Variants in FILIP1L observed in about 807,000 individuals in gnomAD.
The protein encoded by FILIP1L is filamin A interacting protein 1 like.
In FILIP1L, 55 loss-of-function variants were observed where a neutral mutation model predicts 96.6. The ratio of observed to expected loss-of-function variants is 0.57; its 90% CI spans 0.46 to 0.71. FILIP1L has a LOEUF of 0.71. Among genes scored for constraint, FILIP1L ranks in the 30% least tolerant of loss-of-function variants. The pLI, the probability that FILIP1L is intolerant of heterozygous loss-of-function variation, is 0.00. For missense variants in FILIP1L, 1,304 were observed against 1,321.2 expected (o/e 0.99, Z 0.20); for synonymous variants, 467 against 473.9 (o/e 0.99, Z 0.19).
At chr3:99,874,855 T>C (rs1167066697) in intron 4 of FILIP1L, among the ~76,000 whole-genome samples, 2 of 152,230 alleles carry the variant, frequency 1.3e-5, no homozygotes. Context: ...TCAGTGGTTA[T>C]AGTGCTCTGC....
At chr3:100,017,691 C>T (rs1194695851) in intron 1 of FILIP1L, among the ~76,000 whole-genome samples, 1 of 150,836 alleles carries the variant, frequency 6.6e-6, no homozygotes, top group Non-Finnish European at 1.5e-5. Flanking sequence ...TTGGGAGGCC[C>T]AGCGGGGAGG....
chr3:99,828,950 C>T lies in FILIP1L; in HGVS notation c.*1464G>A, dbSNP rs1329040776. Among the ~76,000 whole-genome samples the T allele has an allele frequency of 6.6e-6, 1 of 151,984 alleles. No individual in the cohort carries two copies. Among genetic ancestry groups the T allele is most frequent in the Non-Finnish European group, 1.5e-5 (1 of 67,986 alleles). ...TCTCAATGCTGCCCATCATCCCTCT[C>T]AATGCTGCCCATCATCCCTTTCAAT... On this transcript the variant is annotated 3_prime_UTR_variant, in exon 6 of 6. Transcript: ENST00000477258.
rs573363257 is a variant in FILIP1L at position 99,982,664 on chromosome 3, A to G, written c.-10-51634T>C. Among the ~76,000 whole-genome samples the G allele has an allele frequency of 7.9e-5, 12 of 152,228 alleles. No individual in the cohort carries two copies. The East Asian group carries it at 1.9e-3, about 24-fold the overall frequency. On this transcript the variant is annotated intron_variant, in intron 1 of 5. Transcript: ENST00000477258. ...TGGCCCATTCAGCTAACTTTTTTAA[A>G]GTATTTTTGAATCACTGAAGTGCTT...
In FILIP1L at chr3:100,010,848, C is replaced by T. The variant is rs988638123; in HGVS notation, c.-10-79818G>A. On this transcript the variant is annotated intron_variant, in intron 1 of 5. Transcript: ENST00000477258. ...TTCAGCATGTTGGTCAGGCTGGTCT[C>T]GAACTCCTGACCTCATGATCCGCCT... Among the ~76,000 whole-genome samples the T allele has an allele frequency of 4.3e-5, 6 of 137,964 alleles. No individual in the cohort carries two copies. In the Middle Eastern group the frequency reaches 0.019, roughly 430 times the overall value. The allele number at this position is 137,964 out of a possible 152,430, so 90.5% of individuals were successfully genotyped here.
At chr3:100,025,645 T>C (rs772298837) in intron 1 of FILIP1L, 4 of 152,190 alleles carry the variant, frequency 2.6e-5, no homozygotes, top group Non-Finnish European at 4.4e-5. Context: ...TGGGTTCATG[T>C]TATTTCTGTT....
intron 1 of FILIP1L, among the ~76,000 whole-genome samples, chr3:99,983,546 CA>C (rs932297753): frequency 2.9e-5 from 4 of 136,278 alleles, no homozygotes; most frequent in African/African-American, 1.1e-4. Flanking sequence ...AAAAATTAGC[CA>C]GGTGTGGTGG....
At chr3:100,062,697 A>C (rs1355266744) in intron 1 of FILIP1L, among the ~76,000 whole-genome samples, 1 of 152,240 alleles carries the variant, frequency 6.6e-6, no homozygotes, top group Non-Finnish European at 1.5e-5. Flanking sequence ...GAAATTTAAA[A>C]GCCCCTATAT....
At chr3:100,046,119 T>G (rs936058696) in intron 1 of FILIP1L, among the ~76,000 whole-genome samples, 1 of 152,216 alleles carries the variant, frequency 6.6e-6, no homozygotes, top group African/African-American at 2.4e-5. Context: ...CCCCCAAGGC[T>G]TCACAGCTAA....
chr3:100,012,022 A>T (rs1710171157), intron 1 of FILIP1L, among the ~76,000 whole-genome samples: 3 of 152,198 alleles, frequency 2.0e-5, no homozygotes, highest in African/African-American at 7.2e-5. Flanking sequence ...ATTTACCTGA[A>T]TTGGATTTCT....
intron 1 of FILIP1L, among the ~76,000 whole-genome samples, chr3:100,079,135 T>C (rs1330046536): frequency 6.6e-6 from 1 of 152,182 alleles, no homozygotes; most frequent in African/African-American, 2.4e-5. Flanking sequence ...TCCCCAGTCC[T>C]CTCAGCGTTA....
intron 1 of FILIP1L, among the ~76,000 whole-genome samples, chr3:100,064,086 G>T (rs1003006219): frequency 6.6e-6 from 1 of 152,106 alleles, no homozygotes; most frequent in African/African-American, 2.4e-5. Context: ...TTGTTTTGTT[G>T]CTTCTGGTTT....
chr3:99,881,162 T>A (rs1282421315), intron 4 of FILIP1L, among the ~76,000 whole-genome samples: 1 of 152,184 alleles, frequency 6.6e-6, no homozygotes, highest in Non-Finnish European at 1.5e-5. Context: ...AAGTTGGCTA[T>A]GGACTCTAGT....
At chr3:99,839,393 A>T (rs1943033575) in intron 5 of FILIP1L, among the ~76,000 whole-genome samples, 3 of 152,228 alleles carry the variant, frequency 2.0e-5, no homozygotes, top group Admixed American at 1.3e-4. Flanking sequence ...TGAGGAATGA[A>T]GGAAGCCTGT....
intron 1 of FILIP1L, among the ~76,000 whole-genome samples, chr3:100,083,114 G>A (rs761129132): frequency 6.6e-6 from 1 of 152,132 alleles, no homozygotes; most frequent in Non-Finnish European, 1.5e-5. Flanking sequence ...TTATTGTTTA[G>A]GGTCAGACAT....
At chr3:99,964,596 A>G (rs1197807534) in intron 1 of FILIP1L, among the ~76,000 whole-genome samples, 2 of 151,990 alleles carry the variant, frequency 1.3e-5, no homozygotes, top group Non-Finnish European at 2.9e-5. Flanking sequence ...AGGTTCTTGT[A>G]GTGATCTTCT....
At chr3:99,928,491 C>A (rs1195613200) in intron 3 of FILIP1L, among the ~76,000 whole-genome samples, 1 of 152,040 alleles carries the variant, frequency 6.6e-6, no homozygotes, top group Non-Finnish European at 1.5e-5. Context: ...AAAGTAGGGC[C>A]AGATTATGGG....
At chr3:99,969,718 C>G (rs1243836708) in intron 1 of FILIP1L, among the ~76,000 whole-genome samples, 1 of 152,048 alleles carries the variant, frequency 6.6e-6, no homozygotes, top group African/African-American at 2.4e-5. Flanking sequence ...AGCAGCCCCA[C>G]TAGATAATTA....
At chr3:100,063,490 C>CT (rs1255436378) in intron 1 of FILIP1L, among the ~76,000 whole-genome samples, 1 of 151,964 alleles carries the variant, frequency 6.6e-6, no homozygotes, top group Non-Finnish European at 1.5e-5. Flanking sequence ...GGTGAATTTA[C>CT]TTTAAAAAAA....
chr3:100,065,289 G>A (rs1485422667), intron 1 of FILIP1L, among the ~76,000 whole-genome samples: 1 of 152,066 alleles, frequency 6.6e-6, no homozygotes, highest in African/African-American at 2.4e-5. Flanking sequence ...GCTTTTTCCT[G>A]CTATAGTTTG....
Sources: gnomAD v4.1 joint callset for allele counts (sites outside exome capture counted in the v4.1 genomes callset) on GRCh38, gnomAD v4.1.1 for gene constraint, MANE v1.5 for transcripts, NCBI Gene and HGNC (gene_info 2026-07-23, HGNC 2026-07-21) for gene names.